QRSL1: variants seen among roughly 807,000 people sequenced by gnomAD.
QRSL1 encodes glutaminyl-tRNA amidotransferase subunit QRSL1, also known as glutamyl-tRNA(Gln) amidotransferase subunit A, mitochondrial.
QRSL1 carries 54 observed loss-of-function variants against 61.6 expected under a neutral mutation model. The ratio of observed to expected loss-of-function variants is 0.88; its 90% CI spans 0.70 to 1.10. The LOEUF (loss-of-function observed/expected upper bound fraction) is 1.10, where lower values mean the gene tolerates loss of function less well. Ranked by LOEUF, QRSL1 falls within the 50% of genes least tolerant of loss-of-function variation. QRSL1 has a pLI of 0.00. For synonymous variants in QRSL1, 228 were observed against 225.7 expected (o/e 1.01, Z -0.09); for missense variants, 505 against 622.6 (o/e 0.81, Z 2.01).
At chr6:106,641,011 CTAAT>C (rs3217727) in intron 3 of QRSL1, 90 bp downstream of exon 3, 75,329 of 830,014 alleles carry the variant, frequency 0.091, 3,846 homozygotes, top group Admixed American at 0.11. Flanking sequence ...TAATCTCAGA[CTAAT>C]TATATCTTTG....
At chr6:106,640,964 A>G in intron 3 of QRSL1, 43 bp downstream of exon 3, 2 of 1,452,000 alleles carry the variant, frequency 1.4e-6, no homozygotes, top group Non-Finnish European at 1.9e-6. Context: ...TTATAAAAAT[A>G]GGTATTTTTC....
intron 4 of QRSL1, among the ~76,000 whole-genome samples, chr6:106,646,566 G>A (rs906693698): frequency 2.0e-5 from 3 of 152,052 alleles, no homozygotes; most frequent in Admixed American, 1.3e-4. Context: ...GGGAAACTGA[G>A]GCAGTAGGAT....
chr6:106,652,221 A>G lies in QRSL1; in HGVS notation c.570A>G (p.Ser190=), dbSNP rs766786499. Residue 190 remains serine, a synonymous_variant, in exon 6 of 11, where the codon TCA becomes TCG. Coordinates refer to ENST00000369046, the MANE Select transcript of QRSL1 (RefSeq NM_018292.5). Reference sequence around the variant, plus strand: ...ATTTAAATTCCAGGGCTTTAGGATCAGATACAGGAGGATCGACCAGAAATC... The same window carrying G: ...ATTTAAATTCCAGGGCTTTAGGATCGGATACAGGAGGATCGACCAGAAATC... ...SAFTCYAALG[S]DTGGSTRNPA... The G allele has an allele frequency of 6.2e-7, 1 of 1,613,056 alleles. No homozygotes were observed. The highest frequency in any genetic ancestry group is 2.2e-5 in the East Asian group (1 of 44,882).
intron 1 of QRSL1, among the ~76,000 whole-genome samples, chr6:106,631,684 A>T (rs1020841862): frequency 6.6e-5 from 10 of 152,166 alleles, no homozygotes; most frequent in Non-Finnish European, 1.5e-4. Flanking sequence ...TTTAATGGGT[A>T]CATAGTAGGT....
intron 2 of QRSL1, 108 bp from the exon 3 acceptor site, chr6:106,640,715 T>A: frequency 2.7e-6 from 3 of 1,117,950 alleles, no homozygotes; most frequent in Non-Finnish European, 2.6e-6. Context: ...ATTTGTTTTC[T>A]GAAGAAGTAT....
In QRSL1 at chr6:106,637,635, G is replaced by T. The variant is rs767282543; in HGVS notation, c.25-2714G>T. On this transcript the variant is annotated intron_variant, in intron 1 of 10. Coordinates refer to ENST00000369046, the MANE Select transcript of QRSL1 (RefSeq NM_018292.5). ...ACTCTGGACTCTGTGGTATGTGGTA[G>T]GTAGGCACTAAACAGGAGAAGCAGC... Among the ~76,000 whole-genome samples the T allele has an allele frequency of 5.3e-5, 8 of 152,168 alleles. No homozygotes were observed. In the South Asian group the frequency reaches 6.2e-4, roughly 12 times the overall value.
chr6:106,639,111 G>GTTTTTTTTTTTTTTTTTTTT lies in QRSL1; in HGVS notation c.25-1234_25-1233insTTTTTTTTTTTTTTTTTTTT, dbSNP rs1562164982. Among the ~76,000 whole-genome samples, 28 of 60,748 alleles carry GTTTTTTTTTTTTTTTTTTTT rather than the reference G, an allele frequency of 4.6e-4. 2 individuals are homozygous for GTTTTTTTTTTTTTTTTTTTT. The highest frequency in any genetic ancestry group is 1.8e-3 in the African/African-American group (27 of 14,938). The allele number at this position is 60,748 out of a possible 152,430, so 39.9% of individuals were successfully genotyped here. A position where few individuals can be genotyped will look rare whatever the true frequency, so the allele number is the denominator to read the frequency against. On this transcript the variant is annotated intron_variant, in intron 1 of 10. Coordinates refer to ENST00000369046, the MANE Select transcript of QRSL1 (RefSeq NM_018292.5). ...ACCTAACTTGTGTGGTTATTTGTGTGTTTTGTTGTTTTTTTTTTTTTTTTT... is the reference window on the plus strand; with the variant it reads ...ACCTAACTTGTGTGGTTATTTGTGTGTTTTTTTTTTTTTTTTTTTTTTTTGTTGTTTTTTTTTTTTTTTTT...
At chr6:106,634,295 G>GT (rs1776884772) in intron 1 of QRSL1, among the ~76,000 whole-genome samples, 2 of 152,192 alleles carry the variant, frequency 1.3e-5, no homozygotes, top group African/African-American at 4.8e-5. Flanking sequence ...AGGGAGACAG[G>GT]TAGGAGCCAA....
intron 1 of QRSL1, among the ~76,000 whole-genome samples, chr6:106,636,599 A>G (rs374899953): frequency 6.2e-4 from 94 of 152,180 alleles, no homozygotes; most frequent in East Asian, 1.2e-3. Context: ...GATTACAGGC[A>G]TGAGCCACCG....
chr6:106,640,273 C>T (rs943942213), intron 1 of QRSL1, 76 bp from the exon 2 acceptor site: 20 of 1,339,690 alleles, frequency 1.5e-5, no homozygotes, highest in Non-Finnish European at 2.0e-5. Context: ...CACTCCATCT[C>T]CCCCCACCCC....
At chr6:106,630,652 A>C (rs1776804124) in intron 1 of QRSL1, among the ~76,000 whole-genome samples, 1 of 152,130 alleles carries the variant, frequency 6.6e-6, no homozygotes, top group Non-Finnish European at 1.5e-5. Flanking sequence ...ACTTAATTAG[A>C]GCTGTGTGGT....
At position 106,640,375 on chromosome 6, in the gene QRSL1, A is replaced by C; in HGVS notation, c.51A>C (p.Gln17His). The change falls in exon 2 of 11, where the codon CAA becomes CAC. Residue 17 changes from glutamine to histidine, a missense_variant. Transcript: ENST00000369046. ...REVSAALKQG[Q>H]ITPTELCQKC... Reference sequence around the variant, plus strand: ...TTTCTGCGGCACTGAAACAAGGCCAAATTACACCAACAGAGCTCTGTCAAA... The same window carrying C: ...TTTCTGCGGCACTGAAACAAGGCCACATTACACCAACAGAGCTCTGTCAAA... The C allele has an allele frequency of 6.2e-7, 1 of 1,613,590 alleles. No homozygotes were observed. Among genetic ancestry groups the C allele is most frequent in the South Asian group, 1.1e-5 (1 of 91,066 alleles).
At chr6:106,634,525 C>T (rs915114249) in intron 1 of QRSL1, among the ~76,000 whole-genome samples, 3 of 152,198 alleles carry the variant, frequency 2.0e-5, no homozygotes, top group Non-Finnish European at 2.9e-5. Flanking sequence ...CCAACACTTT[C>T]GGAAGCTGAG....
chr6:106,659,480 A>C (rs1024513430), intron 9 of QRSL1, among the ~76,000 whole-genome samples: 2 of 151,662 alleles, frequency 1.3e-5, no homozygotes, highest in Non-Finnish European at 2.9e-5. Context: ...AAAAAAAAAA[A>C]CATATTTATA....
intron 7 of QRSL1, chr6:106,653,853 T>A (rs1670874911): frequency 6.7e-6 from 1 of 150,150 alleles, no homozygotes; most frequent in African/African-American, 2.5e-5. Flanking sequence ...GAAGGCAATA[T>A]CTGTGCATTC....
At chr6:106,655,989 A>G (rs1777264511) in intron 9 of QRSL1, among the ~76,000 whole-genome samples, 1 of 152,196 alleles carries the variant, frequency 6.6e-6, no homozygotes, top group Non-Finnish European at 1.5e-5. Flanking sequence ...TCAACCAAAC[A>G]CAAATCAAAA....
intron 1 of QRSL1, among the ~76,000 whole-genome samples, chr6:106,639,111 G>GTTTTTTTTTTTTTTTTTTT (rs1562164982): frequency 5.6e-4 from 34 of 60,742 alleles, no homozygotes; most frequent in African/African-American, 2.1e-3. Flanking sequence ...TTATTTGTGT[G>GTTTTTTTTTTTTTTTTTTT]TTTTGTTGTT....
intron 1 of QRSL1, among the ~76,000 whole-genome samples, chr6:106,637,730 C>T (rs1776946271): frequency 1.3e-5 from 2 of 152,080 alleles, no homozygotes; most frequent in African/African-American, 2.4e-5. Flanking sequence ...TTTCTTTTAA[C>T]GAAAACTTAA....
chr6:106,665,683 C>A, intron 10 of QRSL1, 99 bp from the exon 11 acceptor site: 1 of 1,025,546 alleles, frequency 9.8e-7, no homozygotes, highest in South Asian at 1.3e-5. Context: ...TTTTTTAAAC[C>A]TTATCCTGTA....
Sources: gnomAD v4.1 joint callset for allele counts (sites outside exome capture counted in the v4.1 genomes callset) on GRCh38, gnomAD v4.1.1 for gene constraint, MANE v1.5 for transcripts, NCBI Gene and HGNC (gene_info 2026-07-23, HGNC 2026-07-21) for gene names.